The following GALNTL6 variants were observed in gnomAD, a reference collection of about 807,000 sequenced individuals.
GALNTL6 encodes the protein polypeptide N-acetylgalactosaminyltransferase-like 6.
In GALNTL6, 46 loss-of-function variants were observed where a neutral mutation model predicts 73.7. The ratio of observed to expected loss-of-function variants is 0.62; its 90% CI spans 0.49 to 0.80. GALNTL6 has a LOEUF of 0.80. Among genes scored for constraint, GALNTL6 ranks in the 30% least tolerant of loss-of-function variants. The pLI is 0.00. For synonymous variants in GALNTL6, 259 were observed against 263.7 expected, an observed-to-expected ratio of 0.98 and a Z score of 0.17; for missense variants, 604 against 755.0, an observed-to-expected ratio of 0.80 and a Z score of 2.34.
intron 5 of GALNTL6, among the ~76,000 whole-genome samples, chr4:172,438,937 A>C (rs1344404115): frequency 6.6e-6 from 1 of 151,838 alleles, no homozygotes; most frequent in Non-Finnish European, 1.5e-5. Flanking sequence ...GCATTCATCT[A>C]CTTCTTTTCT....
chr4:171,982,842 C>G (rs546925600), intron 2 of GALNTL6, among the ~76,000 whole-genome samples: 1 of 152,312 alleles, frequency 6.6e-6, no homozygotes, highest in Admixed American at 6.5e-5. Flanking sequence ...AGCTTGGGAA[C>G]TGAGTCAGGC....
At position 172,690,286 on chromosome 4, in the gene GALNTL6, C is replaced by G. The variant is rs1270936872; in HGVS notation, c.554-119075C>G. ...GTCTTGGGGCACTACCAATTTAACC[C>G]CAAATTCTATACCTTCCAGAAAAAA... is the stretch of plus-strand genomic sequence containing the variant. On this transcript the variant is annotated intron_variant, in intron 5 of 12. Coordinates refer to ENST00000506823, the MANE Select transcript of GALNTL6 (RefSeq NM_001034845.3). Among the ~76,000 whole-genome samples the G allele has an allele frequency of 3.9e-5, 6 of 152,120 alleles. No individual in the cohort carries two copies. In the East Asian group the frequency reaches 1.2e-3, roughly 29 times the overall value.
chr4:172,574,532 C>T (rs1228861881), intron 5 of GALNTL6, among the ~76,000 whole-genome samples: 3 of 151,086 alleles, frequency 2.0e-5, no homozygotes, highest in African/African-American at 7.3e-5. Flanking sequence ...AGAAAATTTA[C>T]CACAGACAAA....
intron 8 of GALNTL6, among the ~76,000 whole-genome samples, chr4:172,927,499 T>C (rs973188602): frequency 1.3e-5 from 2 of 152,126 alleles, no homozygotes; most frequent in African/African-American, 4.8e-5. Context: ...GCAACTGTTT[T>C]ATTAAGCTTT....
chr4:172,869,738 C>G (rs1471322534), intron 7 of GALNTL6, among the ~76,000 whole-genome samples: 1 of 152,188 alleles, frequency 6.6e-6, no homozygotes. Flanking sequence ...TACCCTCACC[C>G]TGATTTCTCT....
At chr4:172,924,394 C>A (rs1747941955) in intron 8 of GALNTL6, among the ~76,000 whole-genome samples, 1 of 152,186 alleles carries the variant, frequency 6.6e-6, no homozygotes, top group Non-Finnish European at 1.5e-5. Context: ...AAGTGGGTCA[C>A]ACATTAGAGC....
intron 2 of GALNTL6, among the ~76,000 whole-genome samples, chr4:171,953,880 A>G (rs1738964433): frequency 6.6e-6 from 1 of 152,186 alleles, no homozygotes; most frequent in Non-Finnish European, 1.5e-5. Flanking sequence ...AGAATACCTC[A>G]TTAACAATTG....
chr4:172,617,019 G>A (rs1738764585), intron 5 of GALNTL6, among the ~76,000 whole-genome samples: 1 of 152,014 alleles, frequency 6.6e-6, no homozygotes, highest in Non-Finnish European at 1.5e-5. Context: ...TGGTTTTTTA[G>A]CAGAGGAGAA....
At chr4:172,260,277 G>T (rs1177408906) in intron 3 of GALNTL6, among the ~76,000 whole-genome samples, 1 of 151,748 alleles carries the variant, frequency 6.6e-6, no homozygotes. Context: ...TCTTTCAGCA[G>T]TGTTTTGTAG....
At position 171,930,447 on chromosome 4, in the gene GALNTL6, G is replaced by A. The variant is rs79988066; in HGVS notation, c.138+115729G>A. ...AAAGAGTCTCAACAAAGTAGACATA[G>A]GAAGTATTTAACTTAACACAATAAA... is the stretch of plus-strand genomic sequence containing the variant. On this transcript the variant is annotated intron_variant, in intron 2 of 12. Coordinates refer to ENST00000506823, the MANE Select transcript of GALNTL6 (RefSeq NM_001034845.3). Among the ~76,000 whole-genome samples the A allele has an allele frequency of 4.3e-3, 656 of 152,224 alleles. 9 individuals carry two copies. Among genetic ancestry groups the A allele is most frequent in the African/African-American group, 0.015 (623 of 41,542 alleles).
At chr4:172,300,125 T>C (rs1641146447) in intron 3 of GALNTL6, among the ~76,000 whole-genome samples, 1 of 152,226 alleles carries the variant, frequency 6.6e-6, no homozygotes, top group East Asian at 1.9e-4. Context: ...CATTATGTAA[T>C]GGCCTTCTTT....
intron 3 of GALNTL6, among the ~76,000 whole-genome samples, chr4:172,256,180 C>T (rs1417828898): frequency 1.3e-5 from 2 of 151,304 alleles, no homozygotes; most frequent in Non-Finnish European, 3.0e-5. Context: ...AAGGTTTGCC[C>T]TTAATTTCAT....
intron 2 of GALNTL6, among the ~76,000 whole-genome samples, chr4:171,976,718 G>A (rs781191831): frequency 5.3e-5 from 8 of 152,180 alleles, no homozygotes; most frequent in Non-Finnish European, 1.2e-4. Flanking sequence ...ATAACTGTGA[G>A]TCGTTTAGGA....
chr4:172,662,515 G>T (rs937593875), intron 5 of GALNTL6, among the ~76,000 whole-genome samples: 1 of 152,174 alleles, frequency 6.6e-6, no homozygotes, highest in Admixed American at 6.5e-5. Context: ...CTCAGTCAAC[G>T]GGAAACCTGG....
At chr4:172,686,970 T>C (rs772263645) in intron 5 of GALNTL6, among the ~76,000 whole-genome samples, 9 of 152,194 alleles carry the variant, frequency 5.9e-5, no homozygotes, top group African/African-American at 1.7e-4. Context: ...AGCTCTGTGA[T>C]GCAGGTAACA....
intron 3 of GALNTL6, among the ~76,000 whole-genome samples, chr4:172,288,159 C>T (rs2111093751): frequency 6.6e-6 from 1 of 150,864 alleles, no homozygotes; most frequent in African/African-American, 2.4e-5. Context: ...GGCTTGATCT[C>T]AGCTCACTGC....
At chr4:172,010,889 T>C (rs1473609067) in intron 2 of GALNTL6, among the ~76,000 whole-genome samples, 3 of 152,074 alleles carry the variant, frequency 2.0e-5, no homozygotes, top group Non-Finnish European at 4.4e-5. Context: ...GTAAGAGTAA[T>C]TTTTCAGAAA....
Position 172,952,205 on chromosome 4 carries a change from G to T in GALNTL6, c.1318G>T (p.Asp440Tyr). Reference protein sequence around the residue: ...FKWFMAAVAWDVPKYYPPVEP... With the variant: ...FKWFMAAVAWYVPKYYPPVEP... ...ATGGTTCATGGCTGCTGTGGCCTGGGACGTGCCTAAATACTACCCTCCAGT... is the reference window on the plus strand; with the variant it reads ...ATGGTTCATGGCTGCTGTGGCCTGGTACGTGCCTAAATACTACCCTCCAGT... The change falls in exon 10 of 13, where the codon GAC becomes TAC. Residue 440 changes from aspartate (D) to tyrosine (Y), a missense_variant. Around this residue, in one of 5 missense-constraint regions of GALNTL6, gnomAD observed 261 missense variants for 296.5 expected, o/e 0.88. Transcript: ENST00000506823. The T allele has an allele frequency of 6.2e-7, 1 of 1,614,068 alleles. No homozygotes were observed. Among genetic ancestry groups the T allele is most frequent in the South Asian group, 1.1e-5 (1 of 91,074 alleles).
chr4:172,874,646 G>C (rs926704367), intron 7 of GALNTL6, among the ~76,000 whole-genome samples: 1 of 152,174 alleles, frequency 6.6e-6, no homozygotes, highest in Non-Finnish European at 1.5e-5. Context: ...CGTTAGGTGT[G>C]TGGTTGGCAA....
Sources: allele counts gnomAD v4.1 joint callset (sites outside exome capture counted in the v4.1 genomes callset), GRCh38; gene constraint gnomAD v4.1.1; regional missense constraint gnomAD v4.1.1; transcripts MANE v1.5; gene names NCBI Gene and HGNC (gene_info 2026-07-23, HGNC 2026-07-21).